The following PRSS12 variants were observed in gnomAD, a reference collection of about 807,000 sequenced individuals.
PRSS12 encodes neurotrypsin.
In PRSS12, 85 loss-of-function variants were observed where a neutral mutation model predicts 104.4. The ratio of observed to expected loss-of-function variants is 0.81; its 90% confidence interval spans 0.68 to 0.98. PRSS12 has a LOEUF of 0.98. Among genes scored for constraint, PRSS12 ranks in the 50% least tolerant of loss-of-function variants. The pLI is 0.00. For synonymous variants in PRSS12, 454 were observed against 425.2 expected, an observed-to-expected ratio of 1.07 and a Z score of -0.83; for missense variants, 1,141 against 1,139.2, an observed-to-expected ratio of 1.00 and a Z score of -0.02.
intron 8 of PRSS12, among the ~76,000 whole-genome samples, chr4:118,299,765 T>TAAAATAAATAAAATAAATA (rs1560768361): frequency 2.6e-5 from 2 of 77,338 alleles, no homozygotes; most frequent in African/African-American, 9.7e-5. Flanking sequence ...TAAATAAAAT[T>TAAAATAAATAAAATAAATA]AAATAAAATA....
rs547470432 is a variant in PRSS12, at chr4:118,310,910, G to C, written c.1489+2291C>G. Among the ~76,000 whole-genome samples the C allele has an allele frequency of 2.0e-4, 30 of 152,230 alleles. 2 individuals carry two copies. The South Asian group carries it at 6.2e-3, about 32-fold the overall frequency. ...TACTAAAAATACAAATATTAGCTGG[G>C]TGTGGTGGCAGGCACCTGTAATCCC... On this transcript the variant is annotated intron_variant, in intron 7 of 12. Transcript: ENST00000296498.
intron 1 of PRSS12, among the ~76,000 whole-genome samples, chr4:118,350,703 G>A (rs1268607679): frequency 6.7e-6 from 1 of 149,150 alleles, no homozygotes; most frequent in African/African-American, 2.5e-5. Flanking sequence ...GAAATCCAAG[G>A]ACAAGTTACT....
chr4:118,305,555 T>A (rs548574583), intron 8 of PRSS12, among the ~76,000 whole-genome samples: 1 of 152,190 alleles, frequency 6.6e-6, no homozygotes, highest in East Asian at 1.9e-4. Flanking sequence ...ACAACCAAGG[T>A]GCTAAATATA....
chr4:118,291,421 A>G (rs997961120), intron 11 of PRSS12, among the ~76,000 whole-genome samples: 1 of 152,172 alleles, frequency 6.6e-6, no homozygotes, highest in Non-Finnish European at 1.5e-5. Context: ...TTTTCCTCCC[A>G]CATATAGCCC....
rs1242236771 is a variant in PRSS12 at position 118,280,368 on chromosome 4, CTTTAAAAG to C, written c.*1560_*1567del. On this transcript the variant is annotated 3_prime_UTR_variant, in exon 13 of 13. Transcript: ENST00000296498. ...TAGTTCTATTTACATATAAACGCTA[CTTTAAAAG>C]TTTATCAAAATCATGAGTTTTTACA... is the stretch of plus-strand genomic sequence containing the variant. 1 of 135,446 alleles carries C rather than the reference CTTTAAAAG, an allele frequency of 7.4e-6. No homozygotes were observed. Among genetic ancestry groups the C allele is most frequent in the East Asian group, 2.0e-4 (1 of 5,072 alleles). The allele number at this position is 135,446 out of a possible 1,614,324, so 8.4% of individuals were successfully genotyped here. A position where few individuals can be genotyped will look rare whatever the true frequency, so the allele number is the denominator to read the frequency against.
intron 11 of PRSS12, among the ~76,000 whole-genome samples, chr4:118,288,066 G>T (rs1743050135): frequency 6.6e-6 from 1 of 152,158 alleles, no homozygotes; most frequent in African/African-American, 2.4e-5. Flanking sequence ...ATTAATTCAG[G>T]TTGCAGGGTC....
chr4:118,282,789 C>G, intron 12 of PRSS12, 42 bp downstream of exon 12: 1 of 1,612,292 alleles, frequency 6.2e-7, no homozygotes, highest in Non-Finnish European at 8.5e-7. Context: ...TGGATAATAC[C>G]AGACACAAAA....
chr4:118,284,147 T>TG (rs1742962759), intron 11 of PRSS12, among the ~76,000 whole-genome samples: 1 of 152,180 alleles, frequency 6.6e-6, no homozygotes, highest in South Asian at 2.1e-4. Flanking sequence ...AATTATCTGT[T>TG]GTGAGGGCTG....
intron 4 of PRSS12, among the ~76,000 whole-genome samples, chr4:118,323,362 G>A (rs1051629527): frequency 6.6e-6 from 1 of 152,014 alleles, no homozygotes; most frequent in South Asian, 2.1e-4. Flanking sequence ...ATGATTAGGT[G>A]CTATAAGGAA....
intron 5 of PRSS12, 31 bp downstream of exon 5, chr4:118,318,347 A>C (rs974346035): frequency 2.5e-6 from 4 of 1,610,622 alleles, no homozygotes; most frequent in Non-Finnish European, 3.4e-6. Context: ...TGGGGGCAAG[A>C]ACTGGTACAC....
chr4:118,313,005 T>C, intron 7 of PRSS12, 196 bp downstream of exon 7: 1 of 629,372 alleles, frequency 1.6e-6, no homozygotes, highest in Non-Finnish European at 2.7e-6. Flanking sequence ...AATTTAGGGG[T>C]AGAAATTTCA....
intron 1 of PRSS12, among the ~76,000 whole-genome samples, chr4:118,349,389 G>A (rs1254285361): frequency 6.8e-6 from 1 of 146,414 alleles, no homozygotes. Context: ...GGGTGACAGA[G>A]AGAGAACCTA....
chr4:118,295,113 AG>A (rs773838679), intron 10 of PRSS12, 52 bp from the exon 11 acceptor site: 1 of 1,601,466 alleles, frequency 6.2e-7, no homozygotes. Context: ...AAAAAAGCAA[AG>A]GAAAGCACTG....
In PRSS12 at chr4:118,318,485, C is replaced by T. The variant is rs758938961; in HGVS notation, c.1043G>A (p.Arg348His). 16 of 1,614,032 alleles carry T rather than the reference C, an allele frequency of 9.9e-6. No homozygotes were observed. The African/African-American group carries it at 1.6e-4, about 16-fold the overall frequency. Reference sequence around the variant, plus strand: ...AATTGAAAGCTCATTCCCAGTGCAGCGTACTTCATCCAACATAACTGGGCC... The same window carrying T: ...AATTGAAAGCTCATTCCCAGTGCAGTGTACTTCATCCAACATAACTGGGCC... Reference protein sequence around the residue: ...GSGPVMLDEVRCTGNELSIEQ... With the variant: ...GSGPVMLDEVHCTGNELSIEQ... Residue 348 changes from arginine to histidine, a missense_variant, in exon 5 of 13, where the codon CGC becomes CAC. Coordinates refer to ENST00000296498, the MANE Select transcript of PRSS12 (RefSeq NM_003619.4).
chr4:118,352,826 G>A lies in PRSS12; in HGVS notation c.-106C>T, dbSNP rs1724561051. On this transcript the variant is annotated 5_prime_UTR_variant, in exon 1 of 13. Coordinates refer to ENST00000296498, the MANE Select transcript of PRSS12 (RefSeq NM_003619.4). ...GCTGCCGCGTCCCTCGAATCCCCCA[G>A]CCCCCTCCCGCCCCCGCACGCGGAC... 6.7e-7 allele frequency: 1 copy of A among 1,487,712 alleles called. No homozygotes were observed. The highest frequency in any genetic ancestry group is 1.3e-5 in the South Asian group (1 of 77,456). The allele number at this position is 1,487,712 out of a possible 1,614,324, so 92.2% of individuals were successfully genotyped here.
At chr4:118,302,056 CTAA>C (rs1281518909) in intron 8 of PRSS12, among the ~76,000 whole-genome samples, 1 of 151,982 alleles carries the variant, frequency 6.6e-6, no homozygotes, top group Non-Finnish European at 1.5e-5. Flanking sequence ...TCTCAGCTTC[CTAA>C]GAAGGAATGT....
intron 1 of PRSS12, among the ~76,000 whole-genome samples, chr4:118,351,006 A>G (rs1724486727): frequency 6.6e-6 from 1 of 152,158 alleles, no homozygotes; most frequent in Admixed American, 6.5e-5. Context: ...ATCACCTCAA[A>G]TTTTTTATAG....
intron 8 of PRSS12, 135 bp downstream of exon 8, chr4:118,308,300 CA>C: frequency 8.3e-7 from 1 of 1,206,430 alleles, no homozygotes; most frequent in Non-Finnish European, 1.2e-6. Flanking sequence ...AATTCTGGAT[CA>C]AATCAATATG....
chr4:118,352,595 G>C lies in PRSS12; in HGVS notation c.126C>G (p.His42Gln). Residue 42 changes from histidine (H) to glutamine (Q), a missense_variant, in exon 1 of 13, where the codon CAC (histidine) becomes CAG (glutamine). Physicochemically the swap from His to Gln is conservative, Grantham distance 24. Transcript: ENST00000296498. ...GCTGGGTGGGAAGGTAATAGGGGTA[G>C]TGCGGACCCGCAGGGGGCGAATGGC... ...SHRHSPPAGP[H>Q]YPYYLPTQQR... 6.2e-7 allele frequency: 1 copy of C among 1,606,024 alleles called. No homozygotes were observed. Among genetic ancestry groups the C allele is most frequent in the Non-Finnish European group, 8.5e-7 (1 of 1,176,624 alleles).
Sources: allele counts gnomAD v4.1 joint callset (sites outside exome capture counted in the v4.1 genomes callset), GRCh38; gene constraint gnomAD v4.1.1; transcripts MANE v1.5; gene names NCBI Gene and HGNC (gene_info 2026-07-23, HGNC 2026-07-21).